The following TSPAN10 variants were observed in gnomAD, a reference collection of about 807,000 sequenced individuals.
TSPAN10 encodes tetraspanin-10.
TSPAN10 carries 11 observed loss-of-function variants against 15.0 expected under a neutral mutation model. The observed-to-expected ratio is 0.73, with a 90% CI of 0.46 to 1.21. The LOEUF is 1.21. Among genes scored for constraint, TSPAN10 ranks in the 50% most tolerant of loss-of-function variants. The pLI is 0.00. For synonymous variants in TSPAN10, 241 were observed against 226.2 expected (o/e 1.07, Z -0.59); for missense variants, 486 against 470.6 (o/e 1.03, Z -0.30).
At chr17:81,638,721 C>A (rs1035901776), upstream of TSPAN10, 1 of 151,994 alleles carries the variant, frequency 6.6e-6, no homozygotes, top group African/African-American at 2.4e-5. Context: ...TGAGTCGGTT[C>A]CTGGGTGGGG....
upstream of TSPAN10, chr17:81,642,265 G>T: frequency 2.5e-6 from 2 of 790,916 alleles, no homozygotes; most frequent in Non-Finnish European, 4.2e-6. Context: ...GGTAGGGCTC[G>T]CACCTCCCCC....
upstream of TSPAN10, among the ~76,000 whole-genome samples, chr17:81,642,029 G>A (rs764633004): frequency 6.6e-6 from 1 of 152,146 alleles, no homozygotes; most frequent in Non-Finnish European, 1.5e-5. Flanking sequence ...CCCTGGTTGG[G>A]AGCTGATGGA....
chr17:81,642,041 C>T (rs982209583), upstream of TSPAN10, among the ~76,000 whole-genome samples: 12 of 151,182 alleles, frequency 7.9e-5, no homozygotes, highest in Middle Eastern at 6.8e-3. Context: ...GCTGATGGAG[C>T]GGCTGCTGAC....
At chr17:81,646,160 G>A (rs2036250331) in intron 2 of TSPAN10, 1 of 180,722 alleles carries the variant, frequency 5.5e-6, no homozygotes, top group Admixed American at 6.5e-5. Flanking sequence ...GGGAGGCTGA[G>A]GTAGGCGGAT....
chr17:81,641,058 A>G (rs2036173481), upstream of TSPAN10, among the ~76,000 whole-genome samples: 1 of 152,024 alleles, frequency 6.6e-6, no homozygotes, highest in Non-Finnish European at 1.5e-5. Context: ...CTAGTTACTC[A>G]GGAGGCCAAG....
intron 2 of TSPAN10, 74 bp downstream of exon 3, chr17:81,645,703 A>G: frequency 2.6e-6 from 4 of 1,550,280 alleles, no homozygotes; most frequent in Non-Finnish European, 2.6e-6. Flanking sequence ...GCGTGTACAC[A>G]CAGTCACTCA....
At chr17:81,648,527 C>T (rs376000297), downstream of TSPAN10, 65 of 339,216 alleles carry the variant, frequency 1.9e-4, 1 homozygote, top group East Asian at 2.7e-3. Context: ...GCACGCGGGG[C>T]CGGAGGAAAT....
upstream of TSPAN10, among the ~76,000 whole-genome samples, chr17:81,640,914 T>G (rs1022606556): frequency 1.3e-5 from 2 of 152,220 alleles, no homozygotes; most frequent in East Asian, 1.9e-4. Context: ...GGCTCACGCC[T>G]GTAATCCCAG....
chr17:81,648,452 T>C (rs946670030), downstream of TSPAN10: 3 of 718,116 alleles, frequency 4.2e-6, no homozygotes, highest in African/African-American at 5.6e-5. Context: ...CTTCGCTCGC[T>C]CCGCGTCCCC....
chr17:81,645,360 C>T (rs1323533851), exon 2 of TSPAN10: 1 of 1,592,342 alleles, frequency 6.3e-7, no homozygotes, highest in South Asian at 1.1e-5. Context: ...GCGCAGTGAG[C>T]CTGGCTGGCT....
At chr17:81,648,328 A>G (rs577973800), downstream of TSPAN10, 75 of 1,199,842 alleles carry the variant, frequency 6.3e-5, no homozygotes, top group African/African-American at 1.1e-3. Flanking sequence ...CGCCACGCAC[A>G]GGGATACAGG....
chr17:81,647,432 C>A (rs942590272), intron 2 of TSPAN10: 6 of 459,548 alleles, frequency 1.3e-5, no homozygotes, highest in East Asian at 1.4e-4. Context: ...GCTCCTCCCC[C>A]ACCCCTGCTT....
At chr17:81,640,660 G>T (rs2036170084), upstream of TSPAN10, among the ~76,000 whole-genome samples, 1 of 152,008 alleles carries the variant, frequency 6.6e-6, no homozygotes, top group Non-Finnish European at 1.5e-5. Context: ...ATGTTGGCCA[G>T]GCTGGTCTCA....
chr17:81,640,542 G>A (rs1244942560), upstream of TSPAN10, among the ~76,000 whole-genome samples: 3 of 151,982 alleles, frequency 2.0e-5, no homozygotes, highest in African/African-American at 7.2e-5. Context: ...TCTGCCTCCT[G>A]GGTCCCAGCA....
rs1269715580 is a variant in TSPAN10 at position 81,643,479 on chromosome 17, C to T, written c.36+1031C>T. 1.7e-4 allele frequency among the ~76,000 whole-genome samples: 14 copies of T among 82,974 alleles called. 3 individuals carry two copies. Among genetic ancestry groups the T allele is most frequent in the Admixed American group, 8.7e-4 (6 of 6,916 alleles). The allele number at this position is 82,974 out of a possible 152,430, so 54.4% of individuals were successfully genotyped here. ...ACAAAAAATTAGCCGGGCGTAGTGG[C>T]GGGCGCCTGTAGTCCCAGCTACTTG... is the stretch of plus-strand genomic sequence containing the variant. On this transcript the variant is annotated intron_variant, in intron 1 of 2. Coordinates refer to ENST00000611590, the Ensembl canonical transcript of TSPAN10.
upstream of TSPAN10, chr17:81,638,986 G>T (rs978913135): frequency 6.6e-6 from 1 of 151,974 alleles, no homozygotes; most frequent in Non-Finnish European, 1.5e-5. Context: ...TTTTGCAAAG[G>T]GCTGTTACCA....
At chr17:81,640,418 T>C (rs1169990835), upstream of TSPAN10, among the ~76,000 whole-genome samples, 2 of 152,072 alleles carry the variant, frequency 1.3e-5, no homozygotes, top group African/African-American at 4.8e-5. Context: ...AATTTTCTTG[T>C]AAGGATGTTG....
chr17:81,648,037 C>A, exon 3 of TSPAN10: 1 of 1,599,636 alleles, frequency 6.3e-7, no homozygotes, highest in South Asian at 1.1e-5. Context: ...GGACGCAGCT[C>A]AGAGAGTGGT....
rs181217478 is a variant in TSPAN10 at position 81,643,184 on chromosome 17, G to A, written c.36+736G>A. On this transcript the variant is annotated intron_variant, in intron 1 of 2. Transcript: ENST00000611590. The stretch of plus-strand genomic sequence containing the variant: ...CACACCCAGCTAATTTTTTTTAGTC[G>A]AGACAGGGTTTTACCATGTTGGCTA... Among the ~76,000 whole-genome samples, 274 of 150,370 alleles carry A rather than the reference G, an allele frequency of 1.8e-3. 2 individuals are homozygous for A. Among genetic ancestry groups the A allele is most frequent in the African/African-American group, 6.2e-3 (256 of 41,314 alleles).
Sources: gnomAD v4.1 joint callset for allele counts (sites outside exome capture counted in the v4.1 genomes callset) on GRCh38, gnomAD v4.1.1 for gene constraint, MANE v1.5 for transcripts, NCBI Gene and HGNC (gene_info 2026-07-23, HGNC 2026-07-21) for gene names.